BTNL9: variants seen among roughly 807,000 people sequenced by gnomAD.
The protein encoded by BTNL9 is butyrophilin-like protein 9.
BTNL9 carries 45 observed loss-of-function variants against 45.8 expected under a neutral mutation model. The ratio of observed to expected loss-of-function variants is 0.98; its 90% CI spans 0.77 to 1.26. The LOEUF is 1.26. Ranked by LOEUF, BTNL9 falls within the 50% of genes most tolerant of loss-of-function variation. The pLI is 0.00. For missense variants in BTNL9, 784 were observed against 729.7 expected (o/e 1.07, Z -0.86); for synonymous variants, 346 against 330.8 (o/e 1.05, Z -0.50).
chr5:181,059,577 C>T lies in BTNL9; in HGVS notation c.1323C>T (p.Thr441=). The T allele has an allele frequency of 1.2e-6, 2 of 1,612,586 alleles. No individual in the cohort carries two copies. The highest frequency in any genetic ancestry group is 1.1e-5 in the South Asian group (1 of 91,054). The part of the protein sequence containing the change: ...FVLAPHRVAL[T]LRVPPRRLGV... ...TGGCCCCGCACCGCGTCGCGCTCAC[C>T]CTGCGCGTGCCCCCGCGGCGCCTGG... The change falls in exon 11 of 11, where the codon ACC becomes ACT. Residue 441 remains threonine, a synonymous_variant. Transcript: ENST00000327705.
chr5:181,043,971 G>A (rs529873919), intron 1 of BTNL9, among the ~76,000 whole-genome samples: 8 of 152,326 alleles, frequency 5.3e-5, no homozygotes, highest in African/African-American at 1.4e-4. Flanking sequence ...ACACGGCCCC[G>A]CTTCGGGGGG....
rs1458640835 is a variant in BTNL9 at position 181,050,080 on chromosome 5, T to G, written c.455-8T>G. On this transcript the variant is annotated splice_polypyrimidine_tract_variant and splice_region_variant and intron_variant, in intron 3 of 10. Coordinates refer to ENST00000327705, the MANE Select transcript of BTNL9 (RefSeq NM_152547.5). This position sits in a 1 kb window ranked among gnomAD's most constrained non-coding sequence, Gnocchi z 4.9. ...CCTGACCTTTCCCACTCCTCCTGCC[T>G]CCACCAGGGCTGGGCTCAGACCCTC... is the stretch of plus-strand genomic sequence containing the variant. 1.2e-6 allele frequency: 2 copies of G among 1,610,236 alleles called. No individual in the cohort carries two copies. The highest frequency in any genetic ancestry group is 1.3e-5 in the African/African-American group (1 of 74,820).
Position 181,050,884 on chromosome 5 carries a change from C to T in BTNL9, c.736+515C>T, listed in dbSNP as rs1234503519. Among the ~76,000 whole-genome samples, 1 of 152,026 alleles carries T rather than the reference C, an allele frequency of 6.6e-6. No individual in the cohort carries two copies. Among genetic ancestry groups the T allele is most frequent in the Non-Finnish European group, 1.5e-5 (1 of 68,010 alleles). On this transcript the variant is annotated intron_variant, in intron 4 of 10. Coordinates refer to ENST00000327705, the MANE Select transcript of BTNL9 (RefSeq NM_152547.5). This position sits in a 1 kb window ranked among gnomAD's most constrained non-coding sequence, Gnocchi z 4.9. ...CGGGTGGATCATGAGGTCAGGAGTT[C>T]AAGACCAGCCTGGCCAAGATGGTGA...
chr5:181,058,308 A>C, intron 9 of BTNL9, 44 bp from the exon 10 acceptor site: 2 of 1,612,288 alleles, frequency 1.2e-6, no homozygotes, highest in Non-Finnish European at 1.7e-6. Context: ...AGAGTTACTG[A>C]CTGAGATTTC....
chr5:181,058,944 G>A (rs1435772561), intron 10 of BTNL9, among the ~76,000 whole-genome samples: 1 of 152,070 alleles, frequency 6.6e-6, no homozygotes, highest in Non-Finnish European at 1.5e-5. Flanking sequence ...CCCCTTGACC[G>A]GGACGTGGCT....
intron 2 of BTNL9, chr5:181,047,547 TATG>T: frequency 1.0e-6 from 1 of 970,214 alleles, no homozygotes. Flanking sequence ...TGCAAATACG[TATG>T]TTTTTTACTT....
chr5:181,049,376 G>A (rs747146304), intron 3 of BTNL9, among the ~76,000 whole-genome samples: 7 of 152,226 alleles, frequency 4.6e-5, no homozygotes, highest in Non-Finnish European at 1.0e-4. Context: ...TCTGTATTAT[G>A]CATCTGAAAC....
chr5:181,054,998 T>G (rs6601165), intron 7 of BTNL9: 251,598 of 985,324 alleles, frequency 0.26, 33,874 homozygotes, highest in Non-Finnish European at 0.27. Context: ...TTGGTAATTA[T>G]TTGGGGAAAT....
intron 3 of BTNL9, among the ~76,000 whole-genome samples, chr5:181,049,385 A>G (rs1399231409): frequency 6.6e-6 from 1 of 152,230 alleles, no homozygotes; most frequent in East Asian, 1.9e-4. Flanking sequence ...TGCATCTGAA[A>G]CAATGATGAG....
rs1761843842 is a variant in BTNL9, at chr5:181,055,737, C to G, written c.929-252C>G. 3 of 703,638 alleles carry G rather than the reference C, an allele frequency of 4.3e-6. No individual in the cohort carries two copies. In the African/African-American group the frequency reaches 5.2e-5, roughly 12 times the overall value. 43.6% of individuals were successfully genotyped at this position (703,638 alleles called of 1,614,324 possible). The stretch of plus-strand genomic sequence containing the variant: ...TGAGCCGAGATGGCGCCACTGCACT[C>G]CAGCCTGGGCGACAGAGCGAGACTC... On this transcript the variant is annotated intron_variant, in intron 8 of 10. Transcript: ENST00000327705. This position sits in a 1 kb window ranked among gnomAD's most constrained non-coding sequence, Gnocchi z 4.4.
chr5:181,045,465 A>G lies in BTNL9; in HGVS notation c.-23-2A>G, dbSNP rs868558757. 5 of 1,505,080 alleles carry G rather than the reference A, an allele frequency of 3.3e-6. No homozygotes were observed. In the South Asian group the frequency reaches 4.5e-5, roughly 13 times the overall value. The allele number at this position is 1,505,080 out of a possible 1,614,324, so 93.2% of individuals were successfully genotyped here. A position where few individuals can be genotyped will look rare whatever the true frequency, so the allele number is the denominator to read the frequency against. On this transcript the variant is annotated splice_acceptor_variant, in intron 1 of 10. Coordinates refer to ENST00000327705, the MANE Select transcript of BTNL9 (RefSeq NM_152547.5). LOFTEE classifies it low-confidence loss of function (5UTR_SPLICE). ...CTCCAGCACCCCTTTGTCCCTCTCC[A>G]GGTGGCCCCCACTGCTGACGAGAGA...
Position 181,055,120 on chromosome 5 carries a change from A to T in BTNL9, c.908-313A>T. On this transcript the variant is annotated intron_variant, in intron 7 of 10. Transcript: ENST00000327705. The surrounding 1 kb of genome is among the most constrained non-coding windows in gnomAD (Gnocchi z 4.4). ...ACTTAGGCGGGAGCTCCGCCCCAGG[A>T]AGCTTGTGATTTCAGGCAGAAGGAA... The T allele has an allele frequency of 8.6e-7, 1 of 1,162,876 alleles. No homozygotes were observed. Among genetic ancestry groups the T allele is most frequent in the Non-Finnish European group, 1.1e-6 (1 of 942,240 alleles). The allele number at this position is 1,162,876 out of a possible 1,614,324, so 72.0% of individuals were successfully genotyped here.
chr5:181,059,480 G>C lies in BTNL9; in HGVS notation c.1226G>C (p.Gly409Ala). ...GACLAAVPRA[G>A]PARLSPAAGY... Reference sequence around the variant, plus strand: ...TGCCTGGCCGCGGTGCCGCGCGCGGGGCCTGCGCGCCTGAGCCCTGCGGCC... The same window carrying C: ...TGCCTGGCCGCGGTGCCGCGCGCGGCGCCTGCGCGCCTGAGCCCTGCGGCC... The change falls in exon 11 of 11, where the codon GGG becomes GCG. Residue 409 changes from glycine (G) to alanine (A), a missense_variant. Transcript: ENST00000327705. The C allele has an allele frequency of 6.8e-7, 1 of 1,475,032 alleles. No individual in the cohort carries two copies. Among genetic ancestry groups the C allele is most frequent in the Non-Finnish European group, 8.9e-7 (1 of 1,119,612 alleles). 91.4% of individuals were successfully genotyped at this position (1,475,032 alleles called of 1,614,324 possible).
chr5:181,054,730 G>C (rs78169293), intron 7 of BTNL9: 50,767 of 985,166 alleles, frequency 0.052, 1,533 homozygotes, highest in African/African-American at 0.13. Context: ...TGGAGGAAAA[G>C]GCCATCATGG....
In BTNL9 at chr5:181,045,575, T is replaced by C. The variant is rs1761060362; in HGVS notation, c.86T>C (p.Leu29Pro). 1.9e-6 allele frequency: 3 copies of C among 1,611,872 alleles called. No homozygotes were observed. The South Asian group carries it at 3.3e-5, about 18-fold the overall frequency. Residue 29 changes from leucine to proline, a missense_variant, in exon 2 of 11, where the codon CTT becomes CCT. Coordinates refer to ENST00000327705, the MANE Select transcript of BTNL9 (RefSeq NM_152547.5). ...GTCTTCCTCATGCACCTCCTCCTCC[T>C]TCAGCCTGGGGAGCCGAGCTCAGGT... ...SLVFLMHLLLLQPGEPSSEVK... is the reference protein window; with the variant it reads ...SLVFLMHLLLPQPGEPSSEVK...
In BTNL9 at chr5:181,055,356, C is replaced by T. The variant is rs1761822155; in HGVS notation, c.908-77C>T. 2 of 1,612,078 alleles carry T rather than the reference C, an allele frequency of 1.2e-6. No homozygotes were observed. The highest frequency in any genetic ancestry group is 3.4e-5 in the Admixed American group (2 of 59,584). On this transcript the variant is annotated intron_variant, in intron 7 of 10. Transcript: ENST00000327705. The surrounding 1 kb of genome is among the most constrained non-coding windows in gnomAD (Gnocchi z 4.4). ...GCAGTGGCTTAAGACTAAGGAAGCT[C>T]TTCCCAGTGGCCTGTCTTGGGAAGA...
In BTNL9 at chr5:181,059,471, C is replaced by G; in HGVS notation, c.1217C>G (p.Pro406Arg). The part of the protein sequence containing the change: ...WFLGACLAAV[P>R]RAGPARLSPA... ...CTGGGCGCCTGCCTGGCCGCGGTGC[C>G]GCGCGCGGGGCCTGCGCGCCTGAGC... Residue 406 changes from proline (P) to arginine (R), a missense_variant, in exon 11 of 11, where the codon CCG becomes CGG. Pro to Arg is a moderately radical substitution (Grantham distance 103). Transcript: ENST00000327705. The G allele has an allele frequency of 2.1e-6, 3 of 1,445,858 alleles. No individual in the cohort carries two copies. Among genetic ancestry groups the G allele is most frequent in the Non-Finnish European group, 2.7e-6 (3 of 1,106,644 alleles). The allele number at this position is 1,445,858 out of a possible 1,614,324, so 89.6% of individuals were successfully genotyped here.
chr5:181,051,082 A>T (rs1761509847), intron 4 of BTNL9, among the ~76,000 whole-genome samples: 1 of 89,996 alleles, frequency 1.1e-5, no homozygotes, highest in African/African-American at 4.1e-5. Flanking sequence ...CCGTCTCAAA[A>T]AAAAAACAAA....
rs1358373786 is a variant in BTNL9 at position 181,053,188 on chromosome 5, G to A, written c.737-12G>A. The A allele has an allele frequency of 2.4e-5, 37 of 1,571,884 alleles. No individual in the cohort carries two copies. Among genetic ancestry groups the A allele is most frequent in the Non-Finnish European group, 2.9e-5 (34 of 1,160,186 alleles). On this transcript the variant is annotated splice_polypyrimidine_tract_variant and intron_variant, in intron 4 of 10. Transcript: ENST00000327705. The surrounding 1 kb of genome is among the most constrained non-coding windows in gnomAD (Gnocchi z 6.5). ...CGCCTGGACCGACACGGCCCCCGCG[G>A]GTGTTTTCCAGACGTGTTCGTACCC...
Sources: gnomAD v4.1 joint callset for allele counts (sites outside exome capture counted in the v4.1 genomes callset) on GRCh38, gnomAD v4.1.1 for gene constraint, Gnocchi (gnomAD v3.1) non-coding constraint, MANE v1.5 for transcripts, NCBI Gene and HGNC (gene_info 2026-07-23, HGNC 2026-07-21) for gene names.